The following HEMK2 variants were observed in gnomAD, a reference collection of about 807,000 sequenced individuals.
The protein encoded by HEMK2 is methyltransferase HEMK2.
At chr21:28,780,894 G>A in the HEMK2 span, among the ~76,000 whole-genome samples, 2 of 152,120 alleles carry the variant, frequency 1.3e-5, no homozygotes, top group South Asian at 4.1e-4. Context: ...TGACTATGAT[G>A]TCACTGCTCA....
At chr21:28,594,840 C>T in the HEMK2 span, among the ~76,000 whole-genome samples, 1 of 152,100 alleles carries the variant, frequency 6.6e-6, no homozygotes, top group Non-Finnish European at 1.5e-5. Flanking sequence ...CAGCATTTAC[C>T]AGGGCTATTA....
the HEMK2 span, among the ~76,000 whole-genome samples, chr21:28,622,579 A>G: frequency 1.3e-5 from 2 of 152,192 alleles, no homozygotes; most frequent in Non-Finnish European, 2.9e-5. Context: ...ACTTCAAACT[A>G]TACTACAAGT....
chr21:28,763,121 T>C, the HEMK2 span, among the ~76,000 whole-genome samples: 1 of 152,120 alleles, frequency 6.6e-6, no homozygotes, highest in Non-Finnish European at 1.5e-5. Context: ...TGGGACACCC[T>C]TGCTATGTAG....
the HEMK2 span, among the ~76,000 whole-genome samples, chr21:28,591,843 C>T: frequency 6.6e-6 from 1 of 152,134 alleles, no homozygotes; most frequent in African/African-American, 2.4e-5. Flanking sequence ...AGGCTAATGA[C>T]CTCCAGCTCC....
the HEMK2 span, among the ~76,000 whole-genome samples, chr21:28,701,129 T>C: frequency 1.3e-5 from 2 of 152,072 alleles, no homozygotes; most frequent in Non-Finnish European, 2.9e-5. Context: ...CAACTAGGCA[T>C]TGAAGGAACA....
the HEMK2 span, among the ~76,000 whole-genome samples, chr21:28,764,372 A>G: frequency 2.6e-5 from 4 of 152,126 alleles, no homozygotes; most frequent in African/African-American, 9.7e-5. Context: ...TGCTAAGACA[A>G]GAGAGAATTT....
chr21:28,703,694 T>C, the HEMK2 span, among the ~76,000 whole-genome samples: 2 of 152,244 alleles, frequency 1.3e-5, no homozygotes, highest in Admixed American at 1.3e-4. Flanking sequence ...TGGTAGCTGT[T>C]ACTGTATTTC....
the HEMK2 span, among the ~76,000 whole-genome samples, chr21:28,724,000 C>G: frequency 2.0e-5 from 3 of 152,148 alleles, no homozygotes; most frequent in African/African-American, 4.8e-5. Context: ...AGCAATGATT[C>G]TAAGTATTAA....
At chr21:28,703,091 T>C in the HEMK2 span, among the ~76,000 whole-genome samples, 3 of 152,246 alleles carry the variant, frequency 2.0e-5, no homozygotes, top group Middle Eastern at 3.4e-3. Flanking sequence ...TTCTCACTTA[T>C]AAGTGGAAGC....
At chr21:28,637,996 G>A in the HEMK2 span, among the ~76,000 whole-genome samples, 4 of 152,148 alleles carry the variant, frequency 2.6e-5, no homozygotes, top group Admixed American at 1.3e-4. Flanking sequence ...AAGGTACAAA[G>A]TAGCCACAAA....
At chr21:28,808,912 T>C in the HEMK2 span, among the ~76,000 whole-genome samples, 4 of 152,200 alleles carry the variant, frequency 2.6e-5, no homozygotes, top group Admixed American at 1.3e-4. Flanking sequence ...AATGGTATTA[T>C]TAATGTTCAT....
the HEMK2 span, among the ~76,000 whole-genome samples, chr21:28,752,452 T>C: frequency 5.9e-5 from 9 of 152,236 alleles, no homozygotes; most frequent in African/African-American, 1.9e-4. Context: ...CTCAGAGACA[T>C]AGAAATGCCC....
chr21:28,735,945 C>T, the HEMK2 span, among the ~76,000 whole-genome samples: 4 of 152,280 alleles, frequency 2.6e-5, no homozygotes, highest in Middle Eastern at 3.4e-3. Context: ...CCTGCGGAAG[C>T]CTGGGCTTGA....
At chr21:28,806,461 C>T in the HEMK2 span, among the ~76,000 whole-genome samples, 1 of 152,064 alleles carries the variant, frequency 6.6e-6, no homozygotes, top group African/African-American at 2.4e-5. Flanking sequence ...GAAATCCTAA[C>T]CTCCAGTAAC....
chr21:28,627,932 T>C, the HEMK2 span, among the ~76,000 whole-genome samples: 21 of 152,302 alleles, frequency 1.4e-4, no homozygotes, highest in South Asian at 4.1e-3. Context: ...CTACTTCATT[T>C]GCATGGGGAC....
At chr21:28,788,505 C>T in the HEMK2 span, among the ~76,000 whole-genome samples, 8 of 151,630 alleles carry the variant, frequency 5.3e-5, no homozygotes, top group Admixed American at 3.3e-4. Context: ...ATGATACAAA[C>T]GGACTTTGAG....
At chr21:28,667,073 A>T in the HEMK2 span, among the ~76,000 whole-genome samples, 1 of 152,162 alleles carries the variant, frequency 6.6e-6, no homozygotes, top group Non-Finnish European at 1.5e-5. Context: ...TCGTAAAGGA[A>T]GATAATAATT....
chr21:28,730,699 TG>T, the HEMK2 span, among the ~76,000 whole-genome samples: 2 of 152,138 alleles, frequency 1.3e-5, no homozygotes, highest in African/African-American at 4.8e-5. Flanking sequence ...CATGGCAGCT[TG>T]CTTCCTTTTA....
chr21:28,885,242 G>A, the HEMK2 span: 1 of 1,588,060 alleles, frequency 6.3e-7, no homozygotes, highest in Non-Finnish European at 8.6e-7. Context: ...TGCCTCCAGC[G>A]CGTCCAAAAG....
Sources: gnomAD v4.1 joint callset for allele counts (sites outside exome capture counted in the v4.1 genomes callset) on GRCh38, gnomAD v4.1.1 for gene constraint, MANE v1.5 for transcripts, NCBI Gene and HGNC (gene_info 2026-07-23, HGNC 2026-07-21) for gene names.